Variants in RBBP6 observed in about 807,000 individuals in gnomAD.
The protein encoded by RBBP6 is RB binding protein 6, ubiquitin ligase, also known as E3 ubiquitin-protein ligase RBBP6.
Under a neutral mutation model 167.7 loss-of-function variants are expected in RBBP6, and 25 were observed. The observed-to-expected ratio is 0.15, with a 90% CI of 0.11 to 0.21. RBBP6 has a LOEUF of 0.21. Ranked by LOEUF, RBBP6 falls within the 10% of genes least tolerant of loss-of-function variation. The pLI is 1.00. For missense variants in RBBP6, 1,868 were observed against 2,134.2 expected, an observed-to-expected ratio of 0.88 and a Z score of 2.46; for synonymous variants, 789 against 735.8, an observed-to-expected ratio of 1.07 and a Z score of -1.17.
chr16:24,569,378 C>T lies in RBBP6; in HGVS notation c.2688C>T (p.Ser896=). 6.2e-7 allele frequency: 1 copy of T among 1,613,986 alleles called. No individual in the cohort carries two copies. The highest frequency in any genetic ancestry group is 8.5e-7 in the Non-Finnish European group (1 of 1,180,002). The change falls in exon 17 of 18, where the codon AGC becomes AGT. Residue 896 remains serine, a synonymous_variant. Coordinates refer to ENST00000319715, the MANE Select transcript of RBBP6 (RefSeq NM_006910.5). ...GTCATAGAAGTCGAAACATAGGTAG[C>T]AACTATCCAGAAAAGCTTTCAGCAA... ...GQSHRSRNIG[S]NYPEKLSARD...
rs116825413 is a variant in RBBP6 at position 24,562,416 on chromosome 16, C to G, written c.1289+255C>G. Among the ~76,000 whole-genome samples the G allele has an allele frequency of 2.5e-3, 379 of 152,240 alleles. 1 individual carries two copies. The highest frequency in any genetic ancestry group is 8.9e-3 in the African/African-American group (369 of 41,536). Reference sequence around the variant, plus strand: ...CAGCCCCTATTAAACGTTGAATGTTCCATATACCATAACAGCTCTGAACTT... The same window carrying G: ...CAGCCCCTATTAAACGTTGAATGTTGCATATACCATAACAGCTCTGAACTT... On this transcript the variant is annotated intron_variant, in intron 10 of 17. Transcript: ENST00000319715.
intron 4 of RBBP6, 32 bp downstream of exon 4, chr16:24,553,589 A>T: frequency 6.7e-7 from 1 of 1,491,064 alleles, no homozygotes. Flanking sequence ...TGAAAATATA[A>T]GTTTTTTTCT....
intron 1 of RBBP6, among the ~76,000 whole-genome samples, chr16:24,542,024 A>T (rs983513781): frequency 1.3e-5 from 2 of 152,228 alleles, no homozygotes; most frequent in Non-Finnish European, 2.9e-5. Context: ...GCATATCATG[A>T]CTCAAAAATA....
Position 24,570,384 on chromosome 16 carries a change from T to C in RBBP6, c.3694T>C (p.Ser1232Pro). 1 of 1,612,486 alleles carries C rather than the reference T, an allele frequency of 6.2e-7. No homozygotes were observed. Among genetic ancestry groups the C allele is most frequent in the Non-Finnish European group, 8.5e-7 (1 of 1,179,686 alleles). Residue 1232 changes from serine (S) to proline (P), a missense_variant, in exon 17 of 18, where the codon TCT becomes CCT. Ser to Pro is a moderately conservative substitution (Grantham distance 74). Coordinates refer to ENST00000319715, the MANE Select transcript of RBBP6 (RefSeq NM_006910.5). ...TENISNTKEP[S>P]EKLESTSSKV... ...AAATATATCAAACACAAAAGAACCC[T>C]CTGAAAAATTGGAGTCAACATCTAG... is the stretch of plus-strand genomic sequence containing the variant.
chr16:24,572,262 GAAGGAA>G lies in RBBP6; in HGVS notation c.5200_5205del (p.Glu1734_Lys1735del). 2 of 1,612,534 alleles carry G rather than the reference GAAGGAA, an allele frequency of 1.2e-6. No homozygotes were observed. Among genetic ancestry groups the G allele is most frequent in the Non-Finnish European group, 1.7e-6 (2 of 1,179,376 alleles). On this transcript the variant is annotated inframe_deletion, in exon 18 of 18. Coordinates refer to ENST00000319715, the MANE Select transcript of RBBP6 (RefSeq NM_006910.5). ...AGGACAGCAAGAAGAAGAAGAAAAA[GAAGGAA>G]AAGAAAAAACACAAGAAACATAAAA...
chr16:24,562,255 G>A, intron 10 of RBBP6, 94 bp downstream of exon 10: 1 of 1,158,476 alleles, frequency 8.6e-7, no homozygotes, highest in Non-Finnish European at 1.2e-6. Context: ...TTTCTTAGTG[G>A]ACCACTGTGC....
At position 24,561,562 on chromosome 16, in the gene RBBP6, ACTTT is replaced by A. The variant is rs1310283086; in HGVS notation, c.848-49_848-46del. The A allele has an allele frequency of 2.1e-6, 3 of 1,444,850 alleles. No individual in the cohort carries two copies. The Admixed American group carries it at 5.4e-5, about 26-fold the overall frequency. 89.5% of individuals were successfully genotyped at this position (1,444,850 alleles called of 1,614,324 possible). ...CATCCTTTTAATTCATTTCGTAAAC[ACTTT>A]GAGTTCCTACTATGCTTTTATTAAT... On this transcript the variant is annotated intron_variant, in intron 8 of 17. Coordinates refer to ENST00000319715, the MANE Select transcript of RBBP6 (RefSeq NM_006910.5).
chr16:24,542,470 T>C (rs900585703), intron 1 of RBBP6, among the ~76,000 whole-genome samples: 15 of 151,624 alleles, frequency 9.9e-5, no homozygotes, highest in Admixed American at 3.9e-4. Flanking sequence ...TTTTTTTTTT[T>C]TCCCCTGAAA....
chr16:24,540,830 A>G (rs774848726), intron 1 of RBBP6, 38 bp downstream of exon 1: 3 of 1,592,576 alleles, frequency 1.9e-6, no homozygotes, highest in East Asian at 4.5e-5. Context: ...TGGTGGCTGG[A>G]GAGAGATACT....
At chr16:24,554,576 C>T (rs1196256811) in intron 4 of RBBP6, 1 of 152,004 alleles carries the variant, frequency 6.6e-6, no homozygotes, top group African/African-American at 2.4e-5. Context: ...TATTCTAAAA[C>T]ATAAAGTGGA....
Position 24,571,023 on chromosome 16 carries a change from C to T in RBBP6, c.3957C>T (p.Ser1319=), listed in dbSNP as rs929625427. The change falls in exon 18 of 18, where the codon TCC becomes TCT. Residue 1319 remains serine (S), a synonymous_variant. Transcript: ENST00000319715. ...TCATTATGATTCAGGTTCCTCAATCCAAATGGGATAAAGATGACTTTGAAT... is the reference window on the plus strand; with the variant it reads ...TCATTATGATTCAGGTTCCTCAATCTAAATGGGATAAAGATGACTTTGAAT... ...DVIIMIQVPQ[S]KWDKDDFESE... 1.2e-6 allele frequency: 2 copies of T among 1,612,326 alleles called. No individual in the cohort carries two copies. Among genetic ancestry groups the T allele is most frequent in the Non-Finnish European group, 1.7e-6 (2 of 1,178,722 alleles).
rs1242727580 is a variant in RBBP6 at position 24,571,341 on chromosome 16, A to T, written c.4275A>T (p.Pro1425=). ...NPEKRKNSTQ[P]EKESNLDRLN... is the part of the protein sequence containing the mutation. Reference sequence around the variant, plus strand: ...AAAAGAGGAAGAACAGCACTCAGCCAGAGAAAGAGAGTAATTTGGACCGTC... The same window carrying T: ...AAAAGAGGAAGAACAGCACTCAGCCTGAGAAAGAGAGTAATTTGGACCGTC... Residue 1425 remains proline (P), a synonymous_variant, in exon 18 of 18, where the codon CCA becomes CCT. Transcript: ENST00000319715. The T allele has an allele frequency of 6.2e-7, 1 of 1,614,052 alleles. No individual in the cohort carries two copies. The highest frequency in any genetic ancestry group is 8.5e-7 in the Non-Finnish European group (1 of 1,180,028).
rs1567274250 is a variant in RBBP6 at position 24,555,809 on chromosome 16, T to TC, written c.438-7dup. 2.5e-6 allele frequency: 4 copies of TC among 1,596,262 alleles called. No individual in the cohort carries two copies. Among genetic ancestry groups the TC allele is most frequent in the Non-Finnish European group, 3.4e-6 (4 of 1,164,000 alleles). ...GTCCTCGTATACATGTAATTTTTTTTCCCCCTTTTAGTTACATGAAGAAAC... is the reference window on the plus strand; with the variant it reads ...GTCCTCGTATACATGTAATTTTTTTTCCCCCCTTTTAGTTACATGAAGAAAC... On this transcript the variant is annotated splice_polypyrimidine_tract_variant and intron_variant, in intron 5 of 17. Coordinates refer to ENST00000319715, the MANE Select transcript of RBBP6 (RefSeq NM_006910.5).
In RBBP6 at chr16:24,559,518, A is replaced by G. The variant is rs1381456793; in HGVS notation, c.688A>G (p.Ile230Val). The G allele has an allele frequency of 3.1e-6, 5 of 1,600,092 alleles. No individual in the cohort carries two copies. The highest frequency in any genetic ancestry group is 2.2e-5 in the East Asian group (1 of 44,554). ...IPTIDAEAYA[I>V]GKKEKPPFLP... ...TTTCTTTTACAGAGAAGCATATGCA[A>G]TTGGGAAGAAAGAGAAACCTCCCTT... Residue 230 changes from isoleucine to valine, a missense_variant, in exon 8 of 18, where the codon ATT becomes GTT. This residue lies in a region of RBBP6 where 184 missense variants were observed against 327.7 expected (regional missense o/e 0.56). Coordinates refer to ENST00000319715, the MANE Select transcript of RBBP6 (RefSeq NM_006910.5).
rs1255528009 is a variant in RBBP6 at position 24,557,030 on chromosome 16, G to A, written c.674+583G>A. On this transcript the variant is annotated intron_variant, in intron 7 of 17. Transcript: ENST00000319715. ...TTTTTTTTTTTTGAGACCAAGTCTCGCTCTGTCCCTTAGGCTGAAGTGCAG... is the reference window on the plus strand; with the variant it reads ...TTTTTTTTTTTTGAGACCAAGTCTCACTCTGTCCCTTAGGCTGAAGTGCAG... 3.5e-5 allele frequency among the ~76,000 whole-genome samples: 4 copies of A among 114,864 alleles called. No individual in the cohort carries two copies. In the Admixed American group the frequency reaches 3.9e-4, roughly 11 times the overall value. The allele number at this position is 114,864 out of a possible 152,430, so 75.4% of individuals were successfully genotyped here. A position where few individuals can be genotyped will look rare whatever the true frequency, so the allele number is the denominator to read the frequency against.
intron 2 of RBBP6, among the ~76,000 whole-genome samples, chr16:24,547,180 A>C (rs1209556211): frequency 1.3e-5 from 2 of 152,222 alleles, no homozygotes; most frequent in Non-Finnish European, 2.9e-5. Context: ...GGGAATGGAA[A>C]GTGTTCTTGA....
In RBBP6 at chr16:24,572,072, T is replaced by C; in HGVS notation, c.5006T>C (p.Ile1669Thr). Residue 1669 changes from isoleucine (I) to threonine (T), a missense_variant, in exon 18 of 18, where the codon ATA (isoleucine) becomes ACA (threonine). Physicochemically the swap from Ile to Thr is moderately conservative, Grantham distance 89. This residue lies in a region of RBBP6 where 591 missense variants were observed against 540.5 expected (regional missense o/e 1.09). Coordinates refer to ENST00000319715, the MANE Select transcript of RBBP6 (RefSeq NM_006910.5). Reference sequence around the variant, plus strand: ...ATTTCTAAGGACCTGAAAGATAAAATAGTGGAGAAAGCAAAAGAGAGCCTG... The same window carrying C: ...ATTTCTAAGGACCTGAAAGATAAAACAGTGGAGAAAGCAAAAGAGAGCCTG... ...GNISKDLKDKIVEKAKESLDT... is the reference protein window; with the variant it reads ...GNISKDLKDKTVEKAKESLDT... 6.2e-7 allele frequency: 1 copy of C among 1,613,856 alleles called. No homozygotes were observed. The highest frequency in any genetic ancestry group is 8.5e-7 in the Non-Finnish European group (1 of 1,179,994).
At position 24,569,491 on chromosome 16, in the gene RBBP6, A is replaced by G; in HGVS notation, c.2801A>G (p.Lys934Arg). Residue 934 changes from lysine (K) to arginine (R), a missense_variant, in exon 17 of 18, where the codon AAG becomes AGG. Physicochemically the swap from Lys to Arg is conservative, Grantham distance 26. Around this residue, in one of 7 missense-constraint regions of RBBP6, gnomAD observed 673 missense variants for 691.5 expected, o/e 0.97. Coordinates refer to ENST00000319715, the MANE Select transcript of RBBP6 (RefSeq NM_006910.5). ...APGDGKGNKH[K>R]KHRKRRKGEE... is the part of the protein sequence containing the mutation. The stretch of plus-strand genomic sequence containing the variant: ...GGAGATGGTAAAGGAAATAAGCATA[A>G]GAAACACAGAAAAAGAAGAAAAGGG... The G allele has an allele frequency of 6.2e-7, 1 of 1,609,302 alleles. No individual in the cohort carries two copies. Among genetic ancestry groups the G allele is most frequent in the Non-Finnish European group, 8.5e-7 (1 of 1,178,890 alleles).
chr16:24,567,681 GGA>G, intron 15 of RBBP6, 109 bp from the exon 16 acceptor site: 1 of 1,267,064 alleles, frequency 7.9e-7, no homozygotes, highest in Non-Finnish European at 1.1e-6. Context: ...GTTTTAAAGT[GGA>G]AAACTAATGG....
Sources: gnomAD v4.1 joint callset for allele counts (sites outside exome capture counted in the v4.1 genomes callset) on GRCh38, gnomAD v4.1.1 for gene constraint, gnomAD v4.1.1 regional missense constraint, MANE v1.5 for transcripts, NCBI Gene and HGNC (gene_info 2026-07-23, HGNC 2026-07-21) for gene names.